Variants in ADGRD1 observed in about 807,000 individuals in gnomAD.
ADGRD1 encodes G-protein coupled receptor 133.
ADGRD1 carries 77 observed loss-of-function variants against 113.4 expected under a neutral mutation model. That is an observed-to-expected ratio of 0.68 (90% confidence interval 0.57 to 0.82). The LOEUF is 0.82. Among genes scored for constraint, ADGRD1 ranks in the 40% least tolerant of loss-of-function variants. The pLI is 0.00. For synonymous variants in ADGRD1, 474 were observed against 475.0 expected (o/e 1.00, Z 0.03); for missense variants, 1,036 against 1,139.1 (o/e 0.91, Z 1.30).
chr12:131,128,369 T>C (rs886497218), intron 20 of ADGRD1, among the ~76,000 whole-genome samples: 10 of 152,118 alleles, frequency 6.6e-5, no homozygotes, highest in Admixed American at 1.3e-4. Context: ...CAGGCATCCC[T>C]CTCATGGGTC....
chr12:131,103,298 G>A (rs1593219769), intron 15 of ADGRD1, among the ~76,000 whole-genome samples: 1 of 152,384 alleles, frequency 6.6e-6, no homozygotes, highest in South Asian at 2.1e-4. Context: ...CCTGAAGGGG[G>A]CCAGGCCAAG....
At chr12:131,043,746 G>C (rs1017814768) in intron 13 of ADGRD1, among the ~76,000 whole-genome samples, 1 of 152,248 alleles carries the variant, frequency 6.6e-6, no homozygotes, top group African/African-American at 2.4e-5. Context: ...GAACGGGCTC[G>C]TGCGGCTGGG....
chr12:130,972,572 C>T (rs1243609387), intron 4 of ADGRD1, among the ~76,000 whole-genome samples: 1 of 152,048 alleles, frequency 6.6e-6, no homozygotes, highest in African/African-American at 2.4e-5. Flanking sequence ...TATGCTGTTC[C>T]TGAGTTCAAG....
chr12:130,969,239 G>C (rs1045498672), intron 3 of ADGRD1: 3 of 599,802 alleles, frequency 5.0e-6, no homozygotes, highest in Non-Finnish European at 8.9e-6. Context: ...ATAACCACTA[G>C]GGTTAAGTCT....
chr12:131,111,148 A>C (rs1950338062), intron 18 of ADGRD1, among the ~76,000 whole-genome samples: 1 of 151,532 alleles, frequency 6.6e-6, no homozygotes, highest in South Asian at 2.1e-4. Context: ...GCTGGAGTGC[A>C]GTGGCACCAT....
intron 17 of ADGRD1, among the ~76,000 whole-genome samples, chr12:131,106,115 C>T (rs548779362): frequency 3.9e-5 from 6 of 152,278 alleles, no homozygotes; most frequent in Admixed American, 6.5e-5. Context: ...CAGCTACGCG[C>T]GAGGCACCAT....
chr12:130,978,122 G>A (rs1872540984), intron 4 of ADGRD1: 1 of 152,212 alleles, frequency 6.6e-6, no homozygotes, highest in African/African-American at 2.4e-5. Context: ...GCCCATATAA[G>A]TTCTCCTCAC....
At chr12:131,002,074 T>C (rs539709251) in intron 9 of ADGRD1, among the ~76,000 whole-genome samples, 1 of 152,332 alleles carries the variant, frequency 6.6e-6, no homozygotes, top group South Asian at 2.1e-4. Flanking sequence ...TTTTAAAAGG[T>C]TTGACCTCTT....
At chr12:131,054,179 A>G (rs1883649705) in intron 13 of ADGRD1, among the ~76,000 whole-genome samples, 1 of 152,248 alleles carries the variant, frequency 6.6e-6, no homozygotes, top group African/African-American at 2.4e-5. Context: ...TAAAGTGTTC[A>G]AAGCATTTAC....
intron 8 of ADGRD1, among the ~76,000 whole-genome samples, chr12:130,998,750 C>T (rs578093625): frequency 6.0e-4 from 91 of 152,272 alleles, no homozygotes; most frequent in African/African-American, 2.0e-3. Context: ...CAGGTGTGAG[C>T]CACTGCGCCC....
intron 13 of ADGRD1, among the ~76,000 whole-genome samples, chr12:131,049,006 G>C (rs1883121001): frequency 6.6e-6 from 1 of 152,212 alleles, no homozygotes; most frequent in Non-Finnish European, 1.5e-5. Flanking sequence ...GGTGAGAATG[G>C]GTTTTAAGGG....
intron 12 of ADGRD1, among the ~76,000 whole-genome samples, chr12:131,009,638 G>A (rs532517847): frequency 1.3e-5 from 2 of 152,200 alleles, no homozygotes; most frequent in African/African-American, 2.4e-5. Flanking sequence ...GCATGTGTGC[G>A]TGTATTTGTG....
chr12:131,047,268 C>T (rs1882932473), intron 13 of ADGRD1, among the ~76,000 whole-genome samples: 1 of 152,080 alleles, frequency 6.6e-6, no homozygotes, highest in Non-Finnish European at 1.5e-5. Flanking sequence ...TGGCCAGTCT[C>T]TGTCCTTGTG....
At chr12:131,028,065 A>G (rs1396159379) in intron 13 of ADGRD1, 1 of 152,210 alleles carries the variant, frequency 6.6e-6, no homozygotes, top group African/African-American at 2.4e-5. Context: ...TGCCTTCTCC[A>G]GAGCGGGCAC....
chr12:130,973,282 T>C (rs1176762210), intron 4 of ADGRD1: 2 of 152,224 alleles, frequency 1.3e-5, no homozygotes, highest in Non-Finnish European at 2.9e-5. Context: ...TCCGACCTGT[T>C]TGTGGGGATC....
intron 5 of ADGRD1, among the ~76,000 whole-genome samples, chr12:130,982,680 G>A (rs1396517024): frequency 2.0e-5 from 3 of 152,218 alleles, no homozygotes; most frequent in African/African-American, 7.2e-5. Context: ...ACTGTGCGTG[G>A]TCTTGGAGGA....
chr12:131,003,382 C>G lies in ADGRD1; in HGVS notation c.1144+80C>G. The stretch of plus-strand genomic sequence containing the variant: ...CGTTTCACTGCCTGTCTTTTTACAC[C>G]CTTAGCAGAGAGCCATGCTCTGTCT... On this transcript the variant is annotated intron_variant, in intron 10 of 24. Coordinates refer to ENST00000261654, the MANE Select transcript of ADGRD1 (RefSeq NM_198827.5). The surrounding 1 kb of genome is among the most constrained non-coding windows in gnomAD (Gnocchi z 4.8). 2.1e-6 allele frequency: 2 copies of G among 965,854 alleles called. No individual in the cohort carries two copies. The highest frequency in any genetic ancestry group is 3.3e-6 in the Non-Finnish European group (2 of 603,192). 59.8% of individuals were successfully genotyped at this position (965,854 alleles called of 1,614,324 possible).
At chr12:130,978,558 T>C (rs1021878793) in intron 4 of ADGRD1, 2 of 152,138 alleles carry the variant, frequency 1.3e-5, no homozygotes, top group Non-Finnish European at 2.9e-5. Flanking sequence ...GAATTTGTTA[T>C]GACTCTATGA....
chr12:130,987,140 G>T lies in ADGRD1; in HGVS notation c.536G>T (p.Gly179Val), dbSNP rs1345872187. Residue 179 changes from glycine (G) to valine (V), a missense_variant, in exon 6 of 25, where the codon GGC (glycine) becomes GTC (valine). By Grantham distance (109) the Gly-to-Val change is moderately radical. Coordinates refer to ENST00000261654, the MANE Select transcript of ADGRD1 (RefSeq NM_198827.5). ...CTATTTACATGGAAATCCAAGGAGG[G>T]CCTGAAAGTCTACGTCAACGGGACC... ...HVLFTWKSKE[G>V]LKVYVNGTLS... 6 of 1,613,922 alleles carry T rather than the reference G, an allele frequency of 3.7e-6. No individual in the cohort carries two copies. Among genetic ancestry groups the T allele is most frequent in the Admixed American group, 1.7e-5 (1 of 60,012 alleles).
Sources: allele counts gnomAD v4.1 joint callset (sites outside exome capture counted in the v4.1 genomes callset), GRCh38; gene constraint gnomAD v4.1.1; non-coding constraint Gnocchi (gnomAD v3.1); transcripts MANE v1.5; gene names NCBI Gene and HGNC (gene_info 2026-07-23, HGNC 2026-07-21).